ARFIP1: variants seen among roughly 807,000 people sequenced by gnomAD.
ARFIP1 encodes the protein arfaptin-1.
In ARFIP1, 24 loss-of-function variants were observed where a neutral mutation model predicts 42.5. The observed-to-expected ratio is 0.57, with a 90% CI of 0.41 to 0.80. ARFIP1 has a LOEUF of 0.80. ARFIP1 is among the 30% of genes least tolerant of loss of function. ARFIP1 has a pLI of 0.00. For missense variants in ARFIP1, 354 were observed against 434.0 expected (o/e 0.82, Z 1.64); for synonymous variants, 141 against 153.7 (o/e 0.92, Z 0.61).
chr4:152,843,465 A>C (rs2149858226), intron 2 of ARFIP1, among the ~76,000 whole-genome samples: 1 of 151,998 alleles, frequency 6.6e-6, no homozygotes, highest in South Asian at 2.1e-4. Context: ...GGTGGTGGGC[A>C]CTGCCCTAGA....
At chr4:152,885,423 T>C (rs1407709542) in intron 7 of ARFIP1, among the ~76,000 whole-genome samples, 1 of 152,078 alleles carries the variant, frequency 6.6e-6, no homozygotes, top group African/African-American at 2.4e-5. Flanking sequence ...GAGTCAATTG[T>C]GGTCGAGACT....
At chr4:152,833,224 A>G (rs1282042761) in intron 2 of ARFIP1, among the ~76,000 whole-genome samples, 1 of 145,456 alleles carries the variant, frequency 6.9e-6, no homozygotes, top group Non-Finnish European at 1.5e-5. Context: ...AAAACTGGGG[A>G]TTTGAGTAGA....
chr4:152,812,644 T>C (rs1002898816), intron 1 of ARFIP1, among the ~76,000 whole-genome samples: 1 of 152,272 alleles, frequency 6.6e-6, no homozygotes. Flanking sequence ...CCAAATGAAC[T>C]GGTGGACTTG....
At position 152,861,397 on chromosome 4, in the gene ARFIP1, C is replaced by T. The variant is rs139875415; in HGVS notation, c.94-2209C>T. Among the ~76,000 whole-genome samples, 892 of 152,270 alleles carry T rather than the reference C, an allele frequency of 5.9e-3. 9 individuals carry two copies. The highest frequency in any genetic ancestry group is 0.02 in the African/African-American group (831 of 41,548). ...GAGATGATGAACCAAGTTATCCTTA[C>T]TGTATTTCTATGACGTTGTATAAGT... On this transcript the variant is annotated intron_variant, in intron 2 of 8. Coordinates refer to ENST00000353617, the MANE Select transcript of ARFIP1 (RefSeq NM_001025595.3).
intron 2 of ARFIP1, among the ~76,000 whole-genome samples, chr4:152,836,350 C>CT: frequency 6.6e-6 from 1 of 152,002 alleles, no homozygotes; most frequent in Middle Eastern, 3.2e-3. Flanking sequence ...ATTGGTAATC[C>CT]TTTCATAGTA....
At chr4:152,858,614 T>C (rs560187943) in intron 2 of ARFIP1, among the ~76,000 whole-genome samples, 1 of 152,330 alleles carries the variant, frequency 6.6e-6, no homozygotes, top group Non-Finnish European at 1.5e-5. Context: ...ATAAATCCTT[T>C]AGTTCATTCA....
intron 2 of ARFIP1, among the ~76,000 whole-genome samples, chr4:152,851,338 A>G (rs1732960478): frequency 6.6e-6 from 1 of 152,226 alleles, no homozygotes; most frequent in South Asian, 2.1e-4. Context: ...TGATTACTAT[A>G]TAAGCTGAGG....
chr4:152,838,827 G>A (rs1030453595), intron 2 of ARFIP1, among the ~76,000 whole-genome samples: 2 of 152,180 alleles, frequency 1.3e-5, no homozygotes, highest in African/African-American at 4.8e-5. Flanking sequence ...TTGAAGAGGA[G>A]TGGTGAGAGT....
intron 7 of ARFIP1, 115 bp from the exon 8 acceptor site, chr4:152,888,018 G>A: frequency 1.5e-6 from 1 of 677,362 alleles, no homozygotes; most frequent in South Asian, 4.2e-5. Flanking sequence ...ATATGTGTGA[G>A]AATTTTATAT....
intron 2 of ARFIP1, among the ~76,000 whole-genome samples, chr4:152,860,845 T>A (rs1578952633): frequency 6.6e-6 from 1 of 152,190 alleles, no homozygotes; most frequent in East Asian, 1.9e-4. Context: ...CAAAGATACT[T>A]ATGACAGGGT....
chr4:152,807,975 A>C (rs1356808815), intron 1 of ARFIP1, among the ~76,000 whole-genome samples: 1 of 151,864 alleles, frequency 6.6e-6, no homozygotes, highest in Non-Finnish European at 1.5e-5. Context: ...TATGTCTGTG[A>C]AGTTTTTTCC....
At chr4:152,788,755 A>C (rs1376492970) in intron 1 of ARFIP1, among the ~76,000 whole-genome samples, 1 of 151,528 alleles carries the variant, frequency 6.6e-6, no homozygotes, top group Non-Finnish European at 1.5e-5. Context: ...GCACGTAATT[A>C]TTAAAGTCCA....
At chr4:152,873,739 A>G (rs1735090011) in intron 5 of ARFIP1, among the ~76,000 whole-genome samples, 1 of 152,184 alleles carries the variant, frequency 6.6e-6, no homozygotes, top group South Asian at 2.1e-4. Flanking sequence ...ACATTACTGT[A>G]ACAGCTTCTT....
At chr4:152,789,937 C>A (rs1331548023) in intron 1 of ARFIP1, among the ~76,000 whole-genome samples, 3 of 152,154 alleles carry the variant, frequency 2.0e-5, no homozygotes, top group Admixed American at 2.0e-4. Flanking sequence ...GCCTTTTCTC[C>A]AAGGAGCACT....
At chr4:152,897,196 A>G (rs1737413004) in intron 8 of ARFIP1, among the ~76,000 whole-genome samples, 1 of 152,160 alleles carries the variant, frequency 6.6e-6, no homozygotes, top group South Asian at 2.1e-4. Context: ...TTTAAACTAG[A>G]CTCATCCAAC....
chr4:152,819,700 C>T (rs970894970), intron 1 of ARFIP1, among the ~76,000 whole-genome samples: 2 of 152,160 alleles, frequency 1.3e-5, no homozygotes, highest in South Asian at 4.1e-4. Flanking sequence ...GAATTTTCTA[C>T]TTGGGGGAAG....
chr4:152,790,480 A>G (rs1014457155), intron 1 of ARFIP1, among the ~76,000 whole-genome samples: 4 of 152,198 alleles, frequency 2.6e-5, no homozygotes, highest in African/African-American at 7.2e-5. Context: ...AGAGTAATTT[A>G]GTTTTGAGAG....
At chr4:152,863,479 A>G (rs1734047246) in intron 2 of ARFIP1, 127 bp from the exon 3 acceptor site, 2 of 558,054 alleles carry the variant, frequency 3.6e-6, no homozygotes, top group South Asian at 4.4e-5. Context: ...ATGATAGCAT[A>G]AGGGAATACC....
chr4:152,885,568 C>T (rs991987021), intron 7 of ARFIP1, among the ~76,000 whole-genome samples: 2 of 151,948 alleles, frequency 1.3e-5, no homozygotes, highest in Admixed American at 6.6e-5. Flanking sequence ...TAGTGAGCTT[C>T]TCTTCTTGGT....
Sources: gnomAD v4.1 joint callset for allele counts (sites outside exome capture counted in the v4.1 genomes callset) on GRCh38, gnomAD v4.1.1 for gene constraint, MANE v1.5 for transcripts, NCBI Gene and HGNC (gene_info 2026-07-23, HGNC 2026-07-21) for gene names.